Variants in ADAM17 observed in about 807,000 individuals in gnomAD.
ADAM17 encodes the protein ADAM metallopeptidase domain 17, also known as disintegrin and metalloproteinase domain-containing protein 17.
ADAM17 carries 39 observed loss-of-function variants against 96.7 expected under a neutral mutation model. The observed-to-expected ratio is 0.40, with a 90% CI of 0.31 to 0.53. The LOEUF (loss-of-function observed/expected upper bound fraction) is 0.53. Among genes scored for constraint, ADAM17 ranks in the 20% least tolerant of loss-of-function variants. The probability of loss-of-function intolerance (pLI) is 0.44; values close to 1 mark genes in which losing one functional copy is unlikely to be tolerated. For synonymous variants in ADAM17, 344 were observed against 359.2 expected, an observed-to-expected ratio of 0.96 and a Z score of 0.48; for missense variants, 777 against 1,013.2, an observed-to-expected ratio of 0.77 and a Z score of 3.17.
intron 13 of ADAM17, among the ~76,000 whole-genome samples, chr2:9,497,592 A>G (rs1662707205): frequency 6.6e-6 from 1 of 152,180 alleles, no homozygotes; most frequent in South Asian, 2.1e-4. Flanking sequence ...AAAGAACTCC[A>G]CGGCCTTCCC....
chr2:9,538,688 C>G (rs1239578613), intron 2 of ADAM17, among the ~76,000 whole-genome samples: 1 of 152,102 alleles, frequency 6.6e-6, no homozygotes, highest in Non-Finnish European at 1.5e-5. Flanking sequence ...AGATAAAGAC[C>G]AAGCGATTAT....
chr2:9,512,991 T>C (rs1046996349), intron 10 of ADAM17, among the ~76,000 whole-genome samples: 1 of 152,054 alleles, frequency 6.6e-6, no homozygotes, highest in Non-Finnish European at 1.5e-5. Flanking sequence ...GGCTATTTCT[T>C]TGTATCCTTT....
chr2:9,491,927 G>A (rs1055550432), intron 17 of ADAM17, among the ~76,000 whole-genome samples: 2 of 152,170 alleles, frequency 1.3e-5, no homozygotes, highest in South Asian at 2.1e-4. Context: ...AGAAGCAATC[G>A]TGATGGATGG....
At chr2:9,544,291 G>C (rs1665325012) in intron 1 of ADAM17, among the ~76,000 whole-genome samples, 1 of 152,236 alleles carries the variant, frequency 6.6e-6, no homozygotes, top group South Asian at 2.1e-4. Context: ...TGTAATCCCA[G>C]CACTTTGGGA....
At chr2:9,518,401 C>T (rs1175783858) in intron 8 of ADAM17, among the ~76,000 whole-genome samples, 154 bp from the exon 9 acceptor site, 1 of 152,074 alleles carries the variant, frequency 6.6e-6, no homozygotes, top group African/African-American at 2.4e-5. Flanking sequence ...TCGTGCAGTG[C>T]TTTGCTCTTT....
At chr2:9,549,248 G>A in intron 1 of ADAM17, among the ~76,000 whole-genome samples, 1 of 152,092 alleles carries the variant, frequency 6.6e-6, no homozygotes, top group East Asian at 1.9e-4. Context: ...GCAGGCACCT[G>A]TAATCCCAGC....
chr2:9,502,436 A>G (rs1224224539), intron 12 of ADAM17, among the ~76,000 whole-genome samples, 160 bp from the exon 13 acceptor site: 3 of 152,170 alleles, frequency 2.0e-5, no homozygotes, highest in African/African-American at 7.2e-5. Context: ...TGCTAGAGCT[A>G]CCTGCACACA....
chr2:9,505,587 G>A, intron 11 of ADAM17: 1 of 557,616 alleles, frequency 1.8e-6, no homozygotes. Flanking sequence ...ACTTGGTTAA[G>A]GATCTATAAT....
intron 2 of ADAM17, among the ~76,000 whole-genome samples, chr2:9,542,556 G>A (rs554104171): frequency 3.9e-5 from 6 of 152,182 alleles, no homozygotes; most frequent in Non-Finnish European, 5.9e-5. Flanking sequence ...TGGTTATAAA[G>A]TAGCACCAAA....
In ADAM17 at chr2:9,488,517, A is replaced by G; in HGVS notation, c.*1660T>C. 1 of 479,804 alleles carries G rather than the reference A, an allele frequency of 2.1e-6. No individual in the cohort carries two copies. The highest frequency in any genetic ancestry group is 3.6e-6 in the Non-Finnish European group (1 of 275,042). 29.7% of individuals were successfully genotyped at this position (479,804 alleles called of 1,614,324 possible). ...TTCGACAGTATTTATTAATGCAGAT[A>G]TCAGTGCTACAGCTATAAAATATAC... On this transcript the variant is annotated 3_prime_UTR_variant, in exon 19 of 19. Transcript: ENST00000310823.
rs1476355508 is a variant in ADAM17 at position 9,536,816 on chromosome 2, T to C, written c.243A>G (p.Leu81=). 3 of 1,613,828 alleles carry C rather than the reference T, an allele frequency of 1.9e-6. No individual in the cohort carries two copies. The highest frequency in any genetic ancestry group is 2.5e-6 in the Non-Finnish European group (3 of 1,179,864). Residue 81 remains leucine (L), a synonymous_variant, in exon 3 of 19, where the codon TTA becomes TTG. Coordinates refer to ENST00000310823, the MANE Select transcript of ADAM17 (RefSeq NM_003183.6). The part of the protein sequence containing the change: ...TFSALKRHFK[L]YLTSSTERFS... ...AACGTTCAGTACTTGATGTCAGGTATAATTTAAAATGCCTGAAGAAAAATG... is the reference window on the plus strand; with the variant it reads ...AACGTTCAGTACTTGATGTCAGGTACAATTTAAAATGCCTGAAGAAAAATG...
chr2:9,536,897 A>G (rs1340585636), intron 2 of ADAM17, 69 bp from the exon 3 acceptor site: 1 of 1,535,124 alleles, frequency 6.5e-7, no homozygotes, highest in East Asian at 2.3e-5. Context: ...ACATAATTAA[A>G]CTTTCTTAAA....
At chr2:9,542,391 G>A (rs1665242543) in intron 2 of ADAM17, among the ~76,000 whole-genome samples, 1 of 152,062 alleles carries the variant, frequency 6.6e-6, no homozygotes, top group Non-Finnish European at 1.5e-5. Flanking sequence ...AAATAAATAT[G>A]AAGCAGGTTA....
At chr2:9,497,399 A>C in intron 13 of ADAM17, 151 bp from the exon 14 acceptor site, 18 of 992,012 alleles carry the variant, frequency 1.8e-5, no homozygotes, top group Non-Finnish European at 2.2e-5. Flanking sequence ...CCTGCATCTC[A>C]CCAGCAATCA....
chr2:9,545,419 A>C (rs1665366613), intron 1 of ADAM17, among the ~76,000 whole-genome samples: 1 of 152,066 alleles, frequency 6.6e-6, no homozygotes, highest in African/African-American at 2.4e-5. Context: ...AAATACAAAA[A>C]ATTAGCTGGG....
chr2:9,511,942 G>A (rs1337804977), intron 10 of ADAM17, among the ~76,000 whole-genome samples: 2 of 152,066 alleles, frequency 1.3e-5, no homozygotes, highest in East Asian at 3.9e-4. Context: ...TGAACCCCCA[G>A]CCTGGGCAAA....
chr2:9,491,916 T>C (rs979367629), intron 17 of ADAM17, among the ~76,000 whole-genome samples: 27 of 152,322 alleles, frequency 1.8e-4, no homozygotes, highest in Admixed American at 1.4e-3. Context: ...CATCCTCCAA[T>C]AGAAGCAATC....
intron 4 of ADAM17, among the ~76,000 whole-genome samples, chr2:9,528,929 C>CAGCA (rs1479754436): frequency 6.6e-6 from 1 of 152,212 alleles, no homozygotes; most frequent in Non-Finnish European, 1.5e-5. Flanking sequence ...CCATATGACC[C>CAGCA]AGCAATTCTG....
chr2:9,555,128 G>A (rs1309508819), intron 1 of ADAM17, among the ~76,000 whole-genome samples: 1 of 151,982 alleles, frequency 6.6e-6, no homozygotes, highest in East Asian at 1.9e-4. Flanking sequence ...GCTCTGGTAG[G>A]AACACACAAC....
Sources: gnomAD v4.1 joint callset for allele counts (sites outside exome capture counted in the v4.1 genomes callset) on GRCh38, gnomAD v4.1.1 for gene constraint, MANE v1.5 for transcripts, NCBI Gene and HGNC (gene_info 2026-07-23, HGNC 2026-07-21) for gene names.